Variants in CDH10 observed in about 807,000 individuals in gnomAD.
CDH10 encodes the protein cadherin 10.
A neutral mutation model predicts 73.1 loss-of-function variants in CDH10; 30 were observed. The ratio of observed to expected loss-of-function variants is 0.41; its 90% confidence interval spans 0.31 to 0.56. The LOEUF (loss-of-function observed/expected upper bound fraction) is 0.56, where lower values mean the gene tolerates loss of function less well. Among genes scored for constraint, CDH10 ranks in the 20% least tolerant of loss-of-function variants. CDH10 has a pLI of 0.27. For missense variants in CDH10, 815 were observed against 973.7 expected, an observed-to-expected ratio of 0.84 and a Z score of 2.17; for synonymous variants, 345 against 348.2, an observed-to-expected ratio of 0.99 and a Z score of 0.10.
At chr5:24,564,196 G>T (rs752365066) in intron 2 of CDH10, among the ~76,000 whole-genome samples, 3 of 152,184 alleles carry the variant, frequency 2.0e-5, no homozygotes, top group Non-Finnish European at 2.9e-5. Context: ...ACACAACAAA[G>T]AAATATTTGT....
At chr5:24,504,520 T>G (rs866954712) in intron 8 of CDH10, among the ~76,000 whole-genome samples, 36,735 of 93,852 alleles carry the variant, frequency 0.39, 12,253 homozygotes, top group Admixed American at 0.53. Context: ...TTTTTTTTTT[T>G]TTTTTTTTTT....
At chr5:24,604,374 TA>T (rs1292857712) in intron 1 of CDH10, among the ~76,000 whole-genome samples, 3 of 152,040 alleles carry the variant, frequency 2.0e-5, no homozygotes, top group African/African-American at 7.2e-5. Context: ...AAAAAAAATT[TA>T]CCAATGTGCA....
chr5:24,510,281 C>A (rs1416282090), intron 6 of CDH10, among the ~76,000 whole-genome samples: 1 of 152,224 alleles, frequency 6.6e-6, no homozygotes, highest in Middle Eastern at 3.4e-3. Context: ...ATTATGAAAT[C>A]TTGGAGACTA....
chr5:24,494,440 A>G (rs1579714206), intron 9 of CDH10, among the ~76,000 whole-genome samples: 1 of 152,000 alleles, frequency 6.6e-6, no homozygotes, highest in East Asian at 1.9e-4. Flanking sequence ...ATCAAAAAAG[A>G]CAGTAGACTA....
At chr5:24,543,906 T>A (rs1744243170) in intron 2 of CDH10, among the ~76,000 whole-genome samples, 1 of 152,160 alleles carries the variant, frequency 6.6e-6, no homozygotes, top group Non-Finnish European at 1.5e-5. Flanking sequence ...AATATAGTCC[T>A]CCAAGTGTAG....
chr5:24,637,579 G>A (rs1272628062), intron 1 of CDH10, among the ~76,000 whole-genome samples: 1 of 151,804 alleles, frequency 6.6e-6, no homozygotes, highest in African/African-American at 2.4e-5. Flanking sequence ...TGACAGAAGG[G>A]AATGCGTCAC....
In CDH10 at chr5:24,609,379, T is replaced by C. The variant is rs891815371; in HGVS notation, c.-123-15766A>G. On this transcript the variant is annotated intron_variant, in intron 1 of 11. Transcript: ENST00000264463. ...GAAAGTAAGAAATGGTTGATGAAAC[T>C]GTCTAGGTAAATGAGTAAGAGGACA... is the stretch of plus-strand genomic sequence containing the variant. Among the ~76,000 whole-genome samples the C allele has an allele frequency of 3.3e-5, 5 of 152,090 alleles. No homozygotes were observed. The East Asian group carries it at 9.7e-4, about 29-fold the overall frequency.
chr5:24,504,058 T>A (rs1441176886), intron 8 of CDH10, among the ~76,000 whole-genome samples: 1 of 152,168 alleles, frequency 6.6e-6, no homozygotes, highest in Non-Finnish European at 1.5e-5. Context: ...TTTTTATTAG[T>A]TAATATTAAA....
rs1381568551 is a variant in CDH10 at position 24,535,176 on chromosome 5, C to T, written c.750G>A (p.Ser250=). Residue 250 remains serine, a synonymous_variant, in exon 5 of 12, where the codon TCG becomes TCA. Transcript: ENST00000264463. ...GCGTGATGTTCACAGTGGTTGTCCCCGATAAGCCTCCCATCTGGCCGCCCA... is the reference window on the plus strand; with the variant it reads ...GCGTGATGTTCACAGTGGTTGTCCCTGATAAGCCTCCCATCTGGCCGCCCA... ...KDMGGQMGGL[S]GTTTVNITLT... The T allele has an allele frequency of 1.9e-5, 31 of 1,613,256 alleles. No individual in the cohort carries two copies. The highest frequency in any genetic ancestry group is 2.4e-5 in the Non-Finnish European group (28 of 1,179,668).
intron 8 of CDH10, among the ~76,000 whole-genome samples, chr5:24,500,584 C>A (rs1003365715): frequency 1.3e-5 from 2 of 152,186 alleles, no homozygotes; most frequent in African/African-American, 4.8e-5. Flanking sequence ...TGTTATGTTA[C>A]TTTGGCCAAT....
intron 1 of CDH10, among the ~76,000 whole-genome samples, chr5:24,619,184 T>C (rs553047058): frequency 2.2e-4 from 33 of 151,864 alleles, no homozygotes; most frequent in Non-Finnish European, 4.4e-4. Context: ...CATCTATATC[T>C]GATTTAGATG....
chr5:24,539,973 T>C (rs1230740841), intron 2 of CDH10, among the ~76,000 whole-genome samples: 1 of 152,054 alleles, frequency 6.6e-6, no homozygotes, highest in Non-Finnish European at 1.5e-5. Flanking sequence ...TGATGAGCTG[T>C]TATGGTTTAC....
At position 24,528,283 on chromosome 5, in the gene CDH10, T is replaced by C. The variant is rs143401883; in HGVS notation, c.814+6829A>G. Among the ~76,000 whole-genome samples, 263 of 152,048 alleles carry C rather than the reference T, an allele frequency of 1.7e-3. 7 individuals are homozygous for C. In the East Asian group the frequency reaches 0.043, roughly 25 times the overall value. On this transcript the variant is annotated intron_variant, in intron 5 of 11. Coordinates refer to ENST00000264463, the MANE Select transcript of CDH10 (RefSeq NM_006727.5). ...TTTAATTTTATTCCCTTCTTTCTCATGCTGAAGCATCTTCCTTGGGGCATA... is the reference window on the plus strand; with the variant it reads ...TTTAATTTTATTCCCTTCTTTCTCACGCTGAAGCATCTTCCTTGGGGCATA...
chr5:24,624,819 T>C (rs1747438854), intron 1 of CDH10, among the ~76,000 whole-genome samples: 4 of 152,166 alleles, frequency 2.6e-5, no homozygotes, highest in Admixed American at 1.3e-4. Flanking sequence ...TGTGCCTGCA[T>C]GTTCTCACAC....
intron 2 of CDH10, among the ~76,000 whole-genome samples, chr5:24,569,909 G>A (rs12186722): frequency 0.41 from 61,840 of 151,890 alleles, 14,194 homozygotes; most frequent in East Asian, 0.54. Flanking sequence ...GACGACAGGC[G>A]CGTGCCACGA....
chr5:24,535,304 C>A lies in CDH10; in HGVS notation c.647-25G>T, dbSNP rs192006713. ...CCTTGAGAAAATATAAAAAAACTTC[C>A]ATTATCTTCACTGAAATCTCCATTG... On this transcript the variant is annotated intron_variant, in intron 4 of 11. Transcript: ENST00000264463. 2.9e-5 allele frequency: 46 copies of A among 1,578,750 alleles called. No individual in the cohort carries two copies. In the African/African-American group the frequency reaches 5.9e-4, roughly 20 times the overall value.
intron 5 of CDH10, among the ~76,000 whole-genome samples, chr5:24,518,463 A>G (rs1743190897): frequency 6.6e-6 from 1 of 152,190 alleles, no homozygotes; most frequent in South Asian, 2.1e-4. Flanking sequence ...ATACATGCAT[A>G]TACATAAATA....
Position 24,537,423 on chromosome 5 carries a change from T to C in CDH10, c.483A>G (p.Pro161=), listed in dbSNP as rs1306800288. The change falls in exon 3 of 12, where the codon CCA becomes CCG. Residue 161 remains proline (P), a synonymous_variant. Coordinates refer to ENST00000264463, the MANE Select transcript of CDH10 (RefSeq NM_006727.5). ...HDINDNEPTF[P]EEIYTASVPE... ...GAACACTAGCTGTATAGATTTCTTCTGGGAACGTTGGCTCATTGTCATTGA... is the reference window on the plus strand; with the variant it reads ...GAACACTAGCTGTATAGATTTCTTCCGGGAACGTTGGCTCATTGTCATTGA... 6.2e-7 allele frequency: 1 copy of C among 1,612,794 alleles called. No individual in the cohort carries two copies. Among genetic ancestry groups the C allele is most frequent in the Non-Finnish European group, 8.5e-7 (1 of 1,179,068 alleles).
chr5:24,563,219 T>G (rs34362255), intron 2 of CDH10, among the ~76,000 whole-genome samples: 56,021 of 152,002 alleles, frequency 0.37, 12,319 homozygotes, highest in East Asian at 0.58. Flanking sequence ...AGATGAGTTG[T>G]ACTGTTGTAT....
Sources: allele counts gnomAD v4.1 joint callset (sites outside exome capture counted in the v4.1 genomes callset), GRCh38; gene constraint gnomAD v4.1.1; transcripts MANE v1.5; gene names NCBI Gene and HGNC (gene_info 2026-07-23, HGNC 2026-07-21).